Variants in UBR3 observed in about 807,000 individuals in gnomAD.
UBR3 encodes the protein ubiquitin protein ligase E3 component n-recognin 3, also known as E3 ubiquitin-protein ligase UBR3.
UBR3 carries 85 observed loss-of-function variants against 243.2 expected under a neutral mutation model. That is an observed-to-expected ratio of 0.35 (90% CI 0.29 to 0.42). The LOEUF is 0.42. Among genes scored for constraint, UBR3 ranks in the 10% least tolerant of loss-of-function variants. The pLI is 1.00. For synonymous variants in UBR3, 748 were observed against 799.8 expected, an observed-to-expected ratio of 0.94 and a Z score of 1.09; for missense variants, 1,686 against 2,300.8, an observed-to-expected ratio of 0.73 and a Z score of 5.47.
At chr2:170,034,704 G>A (rs2090777891) in intron 31 of UBR3, among the ~76,000 whole-genome samples, 2 of 151,494 alleles carry the variant, frequency 1.3e-5, no homozygotes, top group Admixed American at 1.3e-4. Flanking sequence ...CATGATTACT[G>A]GATCATATAG....
At chr2:169,890,310 C>T (rs1247662551) in intron 5 of UBR3, among the ~76,000 whole-genome samples, 4 of 151,908 alleles carry the variant, frequency 2.6e-5, no homozygotes, top group African/African-American at 4.8e-5. Flanking sequence ...TCATAGTTGG[C>T]TGGCTTTCTT....
At chr2:170,029,055 G>T (rs2090604391) in intron 30 of UBR3, among the ~76,000 whole-genome samples, 1 of 151,940 alleles carries the variant, frequency 6.6e-6, no homozygotes, top group Non-Finnish European at 1.5e-5. Flanking sequence ...AACTGGCAAG[G>T]CTGCAGCGTA....
At chr2:169,905,691 C>T (rs1313046543) in intron 9 of UBR3, among the ~76,000 whole-genome samples, 1 of 152,078 alleles carries the variant, frequency 6.6e-6, no homozygotes, top group Non-Finnish European at 1.5e-5. Context: ...CATTTGTAAC[C>T]ATTAATCTAG....
intron 24 of UBR3, among the ~76,000 whole-genome samples, chr2:169,978,906 C>T (rs1207861395): frequency 1.3e-5 from 2 of 152,050 alleles, no homozygotes; most frequent in Non-Finnish European, 1.5e-5. Context: ...ATCGGCCTAG[C>T]CCTAGGCTCT....
At chr2:170,006,862 T>G in intron 27 of UBR3, 128 bp from the exon 28 acceptor site, 1 of 777,178 alleles carries the variant, frequency 1.3e-6, no homozygotes, top group South Asian at 1.9e-5. Flanking sequence ...TTTTGTTTAT[T>G]TCTTTATGAC....
At chr2:170,001,770 G>A (rs2089706906) in intron 27 of UBR3, among the ~76,000 whole-genome samples, 3 of 151,712 alleles carry the variant, frequency 2.0e-5, no homozygotes, top group South Asian at 2.1e-4. Context: ...AAAATTAGCC[G>A]AGCATGGTGG....
chr2:169,890,563 ATG>A (rs1553504516), intron 5 of UBR3, among the ~76,000 whole-genome samples: 16 of 83,794 alleles, frequency 1.9e-4, no homozygotes, highest in Non-Finnish European at 3.1e-4. Context: ...ATATATATAT[ATG>A]TGTATATATA....
In UBR3 at chr2:169,957,750, A is replaced by T. The variant is rs551366798; in HGVS notation, c.3546-688A>T. ...CCGTTAAGCTACAAAAAGAAAAAAA[A>T]TATTCTTTGGAAGTAGATAAGGCAT... is the stretch of plus-strand genomic sequence containing the variant. On this transcript the variant is annotated intron_variant, in intron 23 of 38. Coordinates refer to ENST00000272793, the MANE Select transcript of UBR3 (RefSeq NM_172070.4). Among the ~76,000 whole-genome samples the T allele has an allele frequency of 8.5e-5, 13 of 152,294 alleles. No homozygotes were observed. In the South Asian group the frequency reaches 2.3e-3, roughly 27 times the overall value.
intron 24 of UBR3, among the ~76,000 whole-genome samples, chr2:169,981,607 T>C (rs1400239237): frequency 6.6e-6 from 1 of 152,068 alleles, no homozygotes; most frequent in Admixed American, 6.6e-5. Flanking sequence ...TGTGGTATCC[T>C]GGGATGGAAA....
At chr2:170,036,672 C>T (rs1281707612) in intron 31 of UBR3, among the ~76,000 whole-genome samples, 1 of 151,906 alleles carries the variant, frequency 6.6e-6, no homozygotes, top group Non-Finnish European at 1.5e-5. Flanking sequence ...TATTCTGGAC[C>T]TCTGTCCATT....
chr2:169,866,606 G>A (rs1422320945), intron 1 of UBR3, among the ~76,000 whole-genome samples: 1 of 152,044 alleles, frequency 6.6e-6, no homozygotes, highest in East Asian at 1.9e-4. Flanking sequence ...CAAGTGATTC[G>A]CCCACCTCGG....
intron 33 of UBR3, among the ~76,000 whole-genome samples, chr2:170,060,724 T>C (rs2091440283): frequency 6.6e-6 from 1 of 152,174 alleles, no homozygotes; most frequent in Non-Finnish European, 1.5e-5. Context: ...AATAGTGCTG[T>C]ACTGGATGTC....
chr2:170,046,644 G>A (rs2091096029), intron 32 of UBR3, among the ~76,000 whole-genome samples: 1 of 152,162 alleles, frequency 6.6e-6, no homozygotes, highest in Admixed American at 6.5e-5. Flanking sequence ...GACAGTAGAA[G>A]CTATTGATTA....
At chr2:169,994,071 C>A (rs1574358264) in intron 25 of UBR3, among the ~76,000 whole-genome samples, 1 of 152,096 alleles carries the variant, frequency 6.6e-6, no homozygotes. Context: ...GATTTAGGAA[C>A]CCATCCATCC....
intron 36 of UBR3, chr2:170,077,391 T>C: frequency 1.8e-6 from 2 of 1,141,258 alleles, no homozygotes; most frequent in South Asian, 1.4e-5. Flanking sequence ...ACATTGGGAA[T>C]GAGGGACTCT....
intron 10 of UBR3, among the ~76,000 whole-genome samples, chr2:169,909,766 C>G (rs2085178645): frequency 6.6e-6 from 1 of 150,610 alleles, no homozygotes; most frequent in African/African-American, 2.5e-5. Flanking sequence ...TATCTTGAAA[C>G]ATCACATTGT....
intron 24 of UBR3, among the ~76,000 whole-genome samples, chr2:169,970,309 G>A (rs1395147761): frequency 7.8e-6 from 1 of 128,638 alleles, no homozygotes; most frequent in African/African-American, 2.9e-5. Flanking sequence ...TATTATTGAT[G>A]TATAGAAACA....
At chr2:169,843,251 C>T (rs1668919719) in intron 1 of UBR3, among the ~76,000 whole-genome samples, 1 of 152,162 alleles carries the variant, frequency 6.6e-6, no homozygotes, top group African/African-American at 2.4e-5. Context: ...TTATTTCTTA[C>T]AGTTTGAAGG....
At chr2:169,845,564 C>CTTCTTCT (rs1204119058) in intron 1 of UBR3, among the ~76,000 whole-genome samples, 1 of 141,518 alleles carries the variant, frequency 7.1e-6, no homozygotes, top group African/African-American at 2.6e-5. Flanking sequence ...TCTTCTTCTT[C>CTTCTTCT]TTCTTCTTTC....
Sources: allele counts gnomAD v4.1 joint callset (sites outside exome capture counted in the v4.1 genomes callset), GRCh38; gene constraint gnomAD v4.1.1; transcripts MANE v1.5; gene names NCBI Gene and HGNC (gene_info 2026-07-23, HGNC 2026-07-21).